AP1B1: variants seen among roughly 807,000 people sequenced by gnomAD.
AP1B1 encodes the protein AP-1 complex subunit beta-1.
AP1B1 carries 36 observed loss-of-function variants against 104.3 expected under a neutral mutation model. The observed-to-expected ratio is 0.35, with a 90% CI of 0.26 to 0.46. The LOEUF (loss-of-function observed/expected upper bound fraction) is 0.46, where lower values mean the gene tolerates loss of function less well. Ranked by LOEUF, AP1B1 falls within the 20% of genes least tolerant of loss-of-function variation. The pLI is 1.00. For missense variants in AP1B1, 901 were observed against 1,247.9 expected (o/e 0.72, Z 4.19); for synonymous variants, 504 against 517.5 (o/e 0.97, Z 0.35).
rs1397106625 is a variant in AP1B1, at chr22:29,342,229, T to C, written c.1536+56A>G. On this transcript the variant is annotated intron_variant, in intron 12 of 22. Coordinates refer to ENST00000357586, the MANE Select transcript of AP1B1 (RefSeq NM_001127.4). ...CCAGGTCTAGTTCCTGGGACAAAAG[T>C]TCCCCTGCTTGAGTGAGGGCTATGC... 1.2e-5 allele frequency: 17 copies of C among 1,444,954 alleles called. No homozygotes were observed. In the East Asian group the frequency reaches 2.8e-4, roughly 24 times the overall value. The allele number at this position is 1,444,954 out of a possible 1,614,324, so 89.5% of individuals were successfully genotyped here.
chr22:29,350,237 CA>C (rs1411534777), intron 9 of AP1B1, 87 bp from the exon 10 acceptor site: 1 of 977,982 alleles, frequency 1.0e-6, no homozygotes, highest in Non-Finnish European at 1.6e-6. Context: ...CCAAGGGCTG[CA>C]AATCACTTCT....
Position 29,351,750 on chromosome 22 carries a change from C to T in AP1B1, c.1014G>A (p.Lys338=), listed in dbSNP as rs376870818. Residue 338 remains lysine (K), a synonymous_variant, in exon 8 of 23, where the codon AAG becomes AAA. Transcript: ENST00000357586. The part of the protein sequence containing the change: ...YNDPIYVKLE[K]LDIMIRLASQ... The stretch of plus-strand genomic sequence containing the variant: ...AGGCCAGGCGGATCATGATGTCCAG[C>T]TTCTCCAGCTTCACGTAGATAGGGT... The T allele has an allele frequency of 1.9e-6, 3 of 1,614,078 alleles. No individual in the cohort carries two copies. Among genetic ancestry groups the T allele is most frequent in the East Asian group, 4.5e-5 (2 of 44,898 alleles).
At chr22:29,370,311 G>A (rs1053069397) in intron 1 of AP1B1, among the ~76,000 whole-genome samples, 1 of 151,922 alleles carries the variant, frequency 6.6e-6, no homozygotes, top group African/African-American at 2.4e-5. Context: ...AAATTAGCTG[G>A]GCGTGGTGGC....
intron 2 of AP1B1, among the ~76,000 whole-genome samples, chr22:29,365,226 C>A (rs1436415384): frequency 1.3e-5 from 2 of 152,164 alleles, no homozygotes; most frequent in Admixed American, 6.5e-5. Flanking sequence ...TTGGGCCTAC[C>A]CAAGATACCC....
At chr22:29,379,566 A>G (rs531796462) in intron 1 of AP1B1, among the ~76,000 whole-genome samples, 1 of 152,252 alleles carries the variant, frequency 6.6e-6, no homozygotes, top group Non-Finnish European at 1.5e-5. Flanking sequence ...GCATGCACAC[A>G]GTAAACAAAG....
chr22:29,334,243 G>T, intron 17 of AP1B1, 22 bp downstream of exon 17: 1 of 1,570,098 alleles, frequency 6.4e-7, no homozygotes, highest in Non-Finnish European at 8.6e-7. Context: ...TGAGAGGTGC[G>T]CTGGCCTCAG....
At chr22:29,360,065 G>A (rs1244650045) in intron 3 of AP1B1, 106 bp from the exon 4 acceptor site, 7 of 1,289,304 alleles carry the variant, frequency 5.4e-6, no homozygotes, top group African/African-American at 1.5e-5. Flanking sequence ...GGAGAGAAAG[G>A]AGAGACACAC....
chr22:29,350,120 G>C lies in AP1B1; in HGVS notation c.1186C>G (p.Leu396Val). Residue 396 changes from leucine to valine, a missense_variant, in exon 10 of 23, where the codon CTC becomes GTC. By Grantham distance (32) the Leu-to-Val change is conservative. Coordinates refer to ENST00000357586, the MANE Select transcript of AP1B1 (RefSeq NM_001127.4). The part of the protein sequence containing the change: ...QSAERCVSTL[L>V]DLIQTKVNYV... The stretch of plus-strand genomic sequence containing the variant: ...TTGACCTTGGTCTGGATGAGGTCGA[G>C]CAGCGTGCTCACACAGCGCTCCGCA... The C allele has an allele frequency of 6.2e-7, 1 of 1,614,196 alleles. No homozygotes were observed. Among genetic ancestry groups the C allele is most frequent in the Non-Finnish European group, 8.5e-7 (1 of 1,180,026 alleles).
chr22:29,340,259 C>T (rs1026339164), intron 14 of AP1B1, among the ~76,000 whole-genome samples: 5 of 152,180 alleles, frequency 3.3e-5, no homozygotes, highest in Admixed American at 2.0e-4. Flanking sequence ...TCCCAGCTGG[C>T]GCTGCATAAG....
chr22:29,339,895 C>G (rs2061689113), intron 14 of AP1B1, 121 bp from the exon 15 acceptor site: 1 of 1,099,684 alleles, frequency 9.1e-7, no homozygotes, highest in African/African-American at 1.6e-5. Context: ...AACGGTAGCT[C>G]CATCCGAGAG....
intron 1 of AP1B1, among the ~76,000 whole-genome samples, chr22:29,377,195 CAAAAAAA>C (rs34466410): frequency 1.9e-4 from 12 of 64,678 alleles, no homozygotes; most frequent in Non-Finnish European, 2.4e-4. Context: ...GACCCTGTCT[CAAAAAAA>C]AAAAAAAAAA....
chr22:29,373,049 GCC>G (rs1224042127), intron 1 of AP1B1, among the ~76,000 whole-genome samples: 1 of 152,188 alleles, frequency 6.6e-6, no homozygotes, highest in African/African-American at 2.4e-5. Flanking sequence ...ACCTTGGGAG[GCC>G]AAGGCGGACA....
intron 5 of AP1B1, 93 bp downstream of exon 5, chr22:29,358,633 G>T (rs1022410612): frequency 2.0e-6 from 3 of 1,497,304 alleles, no homozygotes; most frequent in African/African-American, 1.4e-5. Flanking sequence ...CGACTTCTAG[G>T]TACTCAGGAC....
chr22:29,356,651 G>T (rs1164575164), intron 5 of AP1B1, 35 bp from the exon 6 acceptor site: 17 of 1,599,832 alleles, frequency 1.1e-5, no homozygotes, highest in Non-Finnish European at 1.5e-5. Flanking sequence ...GAGGCTGGGG[G>T]TGCTGCTCAC....
Position 29,354,724 on chromosome 22 carries a change from CA to C in AP1B1, c.863del (p.Leu288ArgfsTer30). ...GTLLKKLAPP[L>X]VTLLSAEPEL... is the part of the protein sequence containing the mutation. ...CTGGCTCGGCTGACAGCAGTGTGAC[CA>C]GGGGTGGGGCCAGCTTCTTGAGCAG... is the stretch of plus-strand genomic sequence containing the variant. On this transcript the variant is annotated frameshift_variant, in exon 7 of 23. Coordinates refer to ENST00000357586, the MANE Select transcript of AP1B1 (RefSeq NM_001127.4). LOFTEE classifies it high-confidence loss of function. The C allele has an allele frequency of 1.9e-6, 3 of 1,613,994 alleles. No individual in the cohort carries two copies. The highest frequency in any genetic ancestry group is 2.5e-6 in the Non-Finnish European group (3 of 1,180,024).
intron 1 of AP1B1, among the ~76,000 whole-genome samples, chr22:29,374,368 T>C (rs868520548): frequency 1.3e-5 from 2 of 152,154 alleles, no homozygotes; most frequent in Non-Finnish European, 2.9e-5. Context: ...TTTTCCTGCA[T>C]GGCCAAAACA....
chr22:29,340,632 A>G, intron 14 of AP1B1, 24 bp downstream of exon 14: 1 of 1,515,342 alleles, frequency 6.6e-7, no homozygotes, highest in East Asian at 2.5e-5. Flanking sequence ...TATCAACATC[A>G]TCCAGAGGGG....
rs905377582 is a variant in AP1B1, at chr22:29,330,422, C to G, written c.2722G>C (p.Val908Leu). The change falls in exon 21 of 23, where the codon GTG becomes CTG. Residue 908 changes from valine to leucine, a missense_variant. By Grantham distance (32) the Val-to-Leu change is conservative. Coordinates refer to ENST00000357586, the MANE Select transcript of AP1B1 (RefSeq NM_001127.4). ...GGCTGGATCCGCAGCTCCGCCAGCA[C>G]CCAGATGCCGTTGGTCAGCTTCAGG... ...QSLKLTNGIW[V>L]LAELRIQPGN... The G allele has an allele frequency of 6.2e-7, 1 of 1,613,720 alleles. No individual in the cohort carries two copies.
chr22:29,339,773 A>G lies in AP1B1; in HGVS notation c.2000T>C (p.Met667Thr). The change falls in exon 15 of 23, where the codon ATG (methionine) becomes ACG (threonine). Residue 667 changes from methionine to threonine, a missense_variant and splice_region_variant. Physicochemically the swap from Met to Thr is moderately conservative, Grantham distance 81 (BLOSUM62 -1). Around this residue, in one of 3 missense-constraint regions of AP1B1, gnomAD observed 424 missense variants for 494.0 expected, o/e 0.86. Coordinates refer to ENST00000357586, the MANE Select transcript of AP1B1 (RefSeq NM_001127.4). ...CCATACCCCTTCAGGCTCATCCCCCATCTCCAAGCAGAAGCAGGCAGGTGA... is the reference window on the plus strand; with the variant it reads ...CCATACCCCTTCAGGCTCATCCCCCGTCTCCAAGCAGAAGCAGGCAGGTGA... Reference protein sequence around the residue: ...DLLGGGLDSLMGDEPEGIGGT... With the variant: ...DLLGGGLDSLTGDEPEGIGGT... 6.2e-7 allele frequency: 1 copy of G among 1,607,856 alleles called. No individual in the cohort carries two copies. The highest frequency in any genetic ancestry group is 1.3e-5 in the African/African-American group (1 of 74,420).
Sources: gnomAD v4.1 joint callset for allele counts (sites outside exome capture counted in the v4.1 genomes callset) on GRCh38, gnomAD v4.1.1 for gene constraint, gnomAD v4.1.1 regional missense constraint, MANE v1.5 for transcripts, NCBI Gene and HGNC (gene_info 2026-07-23, HGNC 2026-07-21) for gene names.